The following CCDC9 variants were observed in gnomAD, a reference collection of about 807,000 sequenced individuals.
CCDC9 encodes coiled-coil domain-containing protein 9.
CCDC9 carries 52 observed loss-of-function variants against 65.6 expected under a neutral mutation model. The observed-to-expected ratio is 0.79, with a 90% CI of 0.63 to 1.00. CCDC9 has a LOEUF of 1.00. CCDC9 is among the 50% of genes least tolerant of loss of function. The pLI, the probability that CCDC9 is intolerant of heterozygous loss-of-function variation, is 0.00. For synonymous variants in CCDC9, 332 were observed against 280.3 expected (o/e 1.18, Z -1.84); for missense variants, 834 against 757.2 (o/e 1.10, Z -1.19).
chr19:47,262,170 G>A (rs2059050213), intron 5 of CCDC9, among the ~76,000 whole-genome samples: 1 of 151,412 alleles, frequency 6.6e-6, no homozygotes, highest in Admixed American at 6.6e-5. Context: ...CAGGGGGTGA[G>A]GCCCTGCTCC....
In CCDC9 at chr19:47,271,689, C is replaced by CTGTGTG. The variant is rs746173971; in HGVS notation, c.*50_*55dup. ...TTTGAGAGTGTATGAAGCTGGCTGC[C>CTGTGTG]TGTGTGTGTGTGTGTGTGTGTGTGT... On this transcript the variant is annotated 3_prime_UTR_variant, in exon 12 of 12. Coordinates refer to ENST00000221922, the MANE Select transcript of CCDC9 (RefSeq NM_015603.3). 2,366 of 1,124,122 alleles carry CTGTGTG rather than the reference C, an allele frequency of 2.1e-3. 25 individuals carry two copies. Among genetic ancestry groups the CTGTGTG allele is most frequent in the South Asian group, 2.9e-3 (195 of 67,756 alleles). 69.6% of individuals were successfully genotyped at this position (1,124,122 alleles called of 1,614,324 possible).
downstream of CCDC9, chr19:47,272,235 G>GT (rs2059128653): frequency 1.0e-6 from 1 of 992,356 alleles, no homozygotes; most frequent in Non-Finnish European, 1.3e-6. Context: ...CAGAGGGCTT[G>GT]GGGGGAGTGG....
Position 47,271,724 on chromosome 19 carries a change from T to TGTGTGC in CCDC9, c.*51_*52insCGTGTG, listed in dbSNP as rs2059122488. ...GTGTGTGTGTGTGTGTGTGTGTGTG[T>TGTGTGC]GTGTGTGTGCGCGCGCGCGCGCGCG... On this transcript the variant is annotated 3_prime_UTR_variant, in exon 12 of 12. Transcript: ENST00000221922. 5.5e-6 allele frequency: 7 copies of TGTGTGC among 1,266,056 alleles called. No homozygotes were observed. In the African/African-American group the frequency reaches 1.3e-4, roughly 23 times the overall value. 78.4% of individuals were successfully genotyped at this position (1,266,056 alleles called of 1,614,324 possible). A position where few individuals can be genotyped will look rare whatever the true frequency, so the allele number is the denominator to read the frequency against.
chr19:47,275,671 G>C (rs1338487772), downstream of CCDC9: 6 of 402,766 alleles, frequency 1.5e-5, no homozygotes, highest in Non-Finnish European at 2.8e-5. Context: ...GTGTCCATCT[G>C]CAATAAACGA....
At chr19:47,261,542 G>A (rs2059045694) in intron 5 of CCDC9, among the ~76,000 whole-genome samples, 1 of 151,736 alleles carries the variant, frequency 6.6e-6, no homozygotes, top group Non-Finnish European at 1.5e-5. Flanking sequence ...GCACTTACAC[G>A]GGAATAAGAA....
At chr19:47,263,349 G>C (rs1204723544) in intron 5 of CCDC9, among the ~76,000 whole-genome samples, 1 of 152,086 alleles carries the variant, frequency 6.6e-6, no homozygotes, top group East Asian at 1.9e-4. Context: ...AGCAAAATCA[G>C]CAGGGGGCGG....
downstream of CCDC9, chr19:47,272,189 G>C (rs1395968368): frequency 3.3e-6 from 4 of 1,223,066 alleles, no homozygotes; most frequent in South Asian, 4.1e-5. Flanking sequence ...GCATGGGATG[G>C]AGGCCGCTGC....
At position 47,264,592 on chromosome 19, in the gene CCDC9, T is replaced by C; in HGVS notation, c.463-11T>C. 6.3e-7 allele frequency: 1 copy of C among 1,583,080 alleles called. No individual in the cohort carries two copies. Among genetic ancestry groups the C allele is most frequent in the Non-Finnish European group, 8.6e-7 (1 of 1,164,104 alleles). ...CCCTGAAGCTGGGTGTCCCTATCTT[T>C]ATCCCCCCAGGAGTGGGAGGAGCGG... is the stretch of plus-strand genomic sequence containing the variant. On this transcript the variant is annotated splice_polypyrimidine_tract_variant and intron_variant, in intron 5 of 11. Transcript: ENST00000221922.
chr19:47,265,833 C>T (rs886722113), intron 7 of CCDC9, among the ~76,000 whole-genome samples: 2 of 149,062 alleles, frequency 1.3e-5, no homozygotes, highest in African/African-American at 2.5e-5. Flanking sequence ...GACTAAGGTG[C>T]CCACCACCAT....
chr19:47,273,423 T>G, downstream of CCDC9: 1 of 1,230,522 alleles, frequency 8.1e-7, no homozygotes, highest in Non-Finnish European at 1.0e-6. Context: ...TTCTGCAAGG[T>G]GGTGGCGGCC....
intron 1 of CCDC9, among the ~76,000 whole-genome samples, chr19:47,257,070 G>T (rs1393104795): frequency 6.7e-6 from 1 of 149,410 alleles, no homozygotes; most frequent in African/African-American, 2.5e-5. Flanking sequence ...CAGGGTGCTG[G>T]CGGGGAATGC....
chr19:47,262,036 A>G (rs2059049327), intron 5 of CCDC9, among the ~76,000 whole-genome samples: 1 of 151,562 alleles, frequency 6.6e-6, no homozygotes, highest in Admixed American at 6.6e-5. Context: ...AAAAAAAAAT[A>G]ATTAGACTTA....
intron 10 of CCDC9, 107 bp from the exon 11 acceptor site, chr19:47,270,975 A>T (rs1469428157): frequency 1.2e-6 from 1 of 868,914 alleles, no homozygotes; most frequent in Admixed American, 2.8e-5. Context: ...GCCCTCCACC[A>T]TGCCAGATGC....
intron 1 of CCDC9, among the ~76,000 whole-genome samples, chr19:47,257,004 CT>C (rs1417953735): frequency 2.3e-5 from 3 of 130,608 alleles, no homozygotes; most frequent in Non-Finnish European, 3.2e-5. Context: ...GACCCAGAGG[CT>C]GACGCAATGG....
chr19:47,258,602 A>G lies in CCDC9; in HGVS notation c.47A>G (p.Glu16Gly), dbSNP rs752865644. The change falls in exon 3 of 12, where the codon GAG (glutamate) becomes GGG (glycine). Residue 16 changes from glutamate (E) to glycine (G), a missense_variant. Glu to Gly is a moderately conservative substitution (Grantham distance 98, BLOSUM62 -2). Transcript: ENST00000221922. The stretch of plus-strand genomic sequence containing the variant: ...AAATCAAAGGAGGAGAAGGATGCTG[A>G]GTTGGACAAGAGGATCGAGGCTCTT... ...DLKSKEEKDA[E>G]LDKRIEALRR... 1 of 1,614,168 alleles carries G rather than the reference A, an allele frequency of 6.2e-7. No individual in the cohort carries two copies. The highest frequency in any genetic ancestry group is 1.7e-5 in the Admixed American group (1 of 60,014).
At chr19:47,273,566 A>C, downstream of CCDC9, 3 of 426,524 alleles carry the variant, frequency 7.0e-6, no homozygotes, top group South Asian at 1.3e-4. Context: ...GGTTAAATCT[A>C]AGGGGGGAGG....
At chr19:47,273,554 A>T, downstream of CCDC9, 1 of 449,394 alleles carries the variant, frequency 2.2e-6, no homozygotes, top group Non-Finnish European at 3.7e-6. Context: ...CAGCCAGGAG[A>T]GGGTTAAATC....
At chr19:47,257,213 T>C (rs1039414877) in intron 1 of CCDC9, among the ~76,000 whole-genome samples, 5 of 130,376 alleles carry the variant, frequency 3.8e-5, no homozygotes, top group African/African-American at 1.5e-4. Flanking sequence ...CGCAACGAGG[T>C]GTGGGAGGGA....
intron 5 of CCDC9, among the ~76,000 whole-genome samples, chr19:47,262,000 A>G (rs1379914343): frequency 6.7e-6 from 1 of 149,284 alleles, no homozygotes; most frequent in African/African-American, 2.4e-5. Context: ...CAGCCTGGAC[A>G]ACAAGAGTGA....
Sources: gnomAD v4.1 joint callset for allele counts (sites outside exome capture counted in the v4.1 genomes callset) on GRCh38, gnomAD v4.1.1 for gene constraint, MANE v1.5 for transcripts, NCBI Gene and HGNC (gene_info 2026-07-23, HGNC 2026-07-21) for gene names.